CHAF1A: variants seen among roughly 807,000 people sequenced by gnomAD.
CHAF1A encodes the protein CAF-1 subunit A.
CHAF1A carries 5 observed loss-of-function variants against 93.2 expected under a neutral mutation model. The observed-to-expected ratio is 0.05, with a 90% CI of 0.03 to 0.11. The LOEUF (loss-of-function observed/expected upper bound fraction) is 0.11, where lower values mean the gene tolerates loss of function less well. CHAF1A is among the 10% of genes least tolerant of loss of function. The pLI is 1.00. For synonymous variants in CHAF1A, 504 were observed against 510.3 expected (o/e 0.99, Z 0.17); for missense variants, 1,102 against 1,259.9 (o/e 0.87, Z 1.90).
intron 7 of CHAF1A, among the ~76,000 whole-genome samples, chr19:4,425,432 T>C (rs1974064210): frequency 6.6e-6 from 1 of 152,042 alleles, no homozygotes; most frequent in Non-Finnish European, 1.5e-5. Flanking sequence ...TTTTGTGTTT[T>C]TAGTAGAGAC....
downstream of CHAF1A, chr19:4,446,867 G>T (rs749150607): frequency 6.2e-7 from 1 of 1,613,916 alleles, no homozygotes; most frequent in African/African-American, 1.3e-5. Flanking sequence ...ACACCTTCTG[G>T]AACCCAATGG....
At position 4,418,108 on chromosome 19, in the gene CHAF1A, C is replaced by G. The variant is rs371806836; in HGVS notation, c.1017+32C>G. 5 of 1,475,338 alleles carry G rather than the reference C, an allele frequency of 3.4e-6. No homozygotes were observed. The East Asian group carries it at 1.1e-4, about 34-fold the overall frequency. 91.4% of individuals were successfully genotyped at this position (1,475,338 alleles called of 1,614,324 possible). ...CATTTTCCCTGAAATAGAAAATTAA[C>G]CTGCTGTGCTTTTTGCATTAAATAG... On this transcript the variant is annotated intron_variant, in intron 4 of 14. Transcript: ENST00000301280.
the CHAF1A span, chr19:4,450,480 C>A: frequency 6.6e-6 from 1 of 151,884 alleles, no homozygotes; most frequent in African/African-American, 2.4e-5. Flanking sequence ...AGAGTGCTGC[C>A]GGGCACGGTG....
chr19:4,423,309 C>T (rs1312527935), intron 5 of CHAF1A, 26 bp from the exon 6 acceptor site: 1 of 1,613,712 alleles, frequency 6.2e-7, no homozygotes, highest in African/African-American at 1.3e-5. Flanking sequence ...AAAGAGTCGG[C>T]TGAAATGTCA....
chr19:4,423,261 T>C, intron 5 of CHAF1A, 74 bp from the exon 6 acceptor site: 1 of 1,593,826 alleles, frequency 6.3e-7, no homozygotes, highest in Non-Finnish European at 8.5e-7. Context: ...TGCCATATAC[T>C]AACAGTTGAG....
downstream of CHAF1A, chr19:4,447,014 G>A: frequency 7.7e-7 from 1 of 1,290,540 alleles, no homozygotes; most frequent in Non-Finnish European, 1.1e-6. Flanking sequence ...CTCGCTATTG[G>A]GAGCAGCTGT....
Position 4,407,287 on chromosome 19 carries a change from A to G in CHAF1A, c.103+1325A>G, listed in dbSNP as rs1243372906. Among the ~76,000 whole-genome samples the G allele has an allele frequency of 2.0e-5, 3 of 150,912 alleles. No individual in the cohort carries two copies. The East Asian group carries it at 6.0e-4, about 30-fold the overall frequency. On this transcript the variant is annotated intron_variant, in intron 2 of 14. Coordinates refer to ENST00000301280, the MANE Select transcript of CHAF1A (RefSeq NM_005483.3). ...TTTTATTTGGTCTATTACATGATGA[A>G]ATAGTTAATAAAAGATGCAATGGCA...
chr19:4,421,273 C>T (rs939776088), intron 4 of CHAF1A, among the ~76,000 whole-genome samples: 25 of 151,864 alleles, frequency 1.6e-4, no homozygotes, highest in Admixed American at 1.5e-3. Context: ...GGGGTTTCAC[C>T]TTCTTGGCCA....
At position 4,433,998 on chromosome 19, in the gene CHAF1A, A is replaced by AAAGCC. The variant is rs1436581359; in HGVS notation, c.2673+471_2673+475dup. Among the ~76,000 whole-genome samples, 2 of 152,082 alleles carry AAAGCC rather than the reference A, an allele frequency of 1.3e-5. No individual in the cohort carries two copies. Among genetic ancestry groups the AAAGCC allele is most frequent in the East Asian group, 1.9e-4 (1 of 5,184 alleles). Reference sequence around the variant, plus strand: ...AAAGTTCCCATACACCTCCTTCCCCAAAGCCAAGCCAAGCCACCCAACATC... The same window carrying AAAGCC: ...AAAGTTCCCATACACCTCCTTCCCCAAAGCCAAGCCAAGCCAAGCCACCCAACATC... On this transcript the variant is annotated intron_variant, in intron 13 of 14. Transcript: ENST00000301280. This position sits in a 1 kb window ranked among gnomAD's most constrained non-coding sequence, Gnocchi z 5.6.
At chr19:4,445,280 C>T (rs575528306), downstream of CHAF1A, 7 of 699,028 alleles carry the variant, frequency 1.0e-5, no homozygotes, top group East Asian at 1.9e-4. Context: ...GTCCCCAGGC[C>T]TCTCCCTCGG....
chr19:4,443,637 G>A (rs1034241982), downstream of CHAF1A, among the ~76,000 whole-genome samples: 3 of 152,200 alleles, frequency 2.0e-5, no homozygotes, highest in Non-Finnish European at 2.9e-5. Context: ...GTTAGGAGAG[G>A]GTGTTCCCAG....
Position 4,433,073 on chromosome 19 carries a change from T to C in CHAF1A, c.2207T>C (p.Leu736Pro). ...CACCCATGTTCCCTCCTGCCAGTCCTGGCCCAGCTGCTGCCGCTCCTGCAC... is the reference window on the plus strand; with the variant it reads ...CACCCATGTTCCCTCCTGCCAGTCCCGGCCCAGCTGCTGCCGCTCCTGCAC... ...SKRERRDEQI[L>P]AQLLPLLHGN... Residue 736 changes from leucine (L) to proline (P), a missense_variant, in exon 13 of 15, where the codon CTG becomes CCG. Leu to Pro is a moderately conservative substitution (Grantham distance 98). Transcript: ENST00000301280. The surrounding 1 kb of genome is among the most constrained non-coding windows in gnomAD (Gnocchi z 5.6). 1 of 1,565,432 alleles carries C rather than the reference T, an allele frequency of 6.4e-7. No individual in the cohort carries two copies. The highest frequency in any genetic ancestry group is 8.7e-7 in the Non-Finnish European group (1 of 1,150,532).
At chr19:4,417,676 G>T (rs1973919291) in intron 3 of CHAF1A, among the ~76,000 whole-genome samples, 1 of 152,104 alleles carries the variant, frequency 6.6e-6, no homozygotes, top group East Asian at 1.9e-4. Context: ...GGCCAGGCTG[G>T]TCTCGAACTC....
downstream of CHAF1A, chr19:4,446,196 G>T: frequency 6.2e-7 from 1 of 1,601,892 alleles, no homozygotes. Context: ...CGTAGAAAGT[G>T]CCTGGGGAGT....
chr19:4,411,443 T>TG (rs1420995797), intron 3 of CHAF1A, among the ~76,000 whole-genome samples: 1 of 152,096 alleles, frequency 6.6e-6, no homozygotes, highest in Non-Finnish European at 1.5e-5. Flanking sequence ...ATGGCCAGAC[T>TG]GATTTCAAAC....
chr19:4,414,405 A>AC (rs1973862192), intron 3 of CHAF1A, among the ~76,000 whole-genome samples: 1 of 151,762 alleles, frequency 6.6e-6, no homozygotes, highest in Admixed American at 6.6e-5. Context: ...TCAAAAAAAA[A>AC]AAAAAACAAA....
At chr19:4,450,503 A>G in the CHAF1A span, 2 of 152,094 alleles carry the variant, frequency 1.3e-5, no homozygotes, top group Admixed American at 6.5e-5. Context: ...TCCCGCCTGT[A>G]ATCCCAGCAC....
intron 4 of CHAF1A, among the ~76,000 whole-genome samples, chr19:4,420,495 G>A (rs925660759): frequency 6.6e-5 from 10 of 152,068 alleles, no homozygotes; most frequent in African/African-American, 7.2e-5. Flanking sequence ...CGCCTGCCTC[G>A]GCTTCCCAAA....
At chr19:4,446,388 C>G (rs375533590), downstream of CHAF1A, 299 of 1,577,024 alleles carry the variant, frequency 1.9e-4, 5 homozygotes, top group Middle Eastern at 2.7e-3. Flanking sequence ...GTCCGCAGCA[C>G]GCTCAGCCGC....
Sources: allele counts gnomAD v4.1 joint callset (sites outside exome capture counted in the v4.1 genomes callset), GRCh38; gene constraint gnomAD v4.1.1; non-coding constraint Gnocchi (gnomAD v3.1); transcripts MANE v1.5; gene names NCBI Gene and HGNC (gene_info 2026-07-23, HGNC 2026-07-21).